The following CUL2 variants were observed in gnomAD, a reference collection of about 807,000 sequenced individuals.
CUL2 encodes the protein cullin-2.
CUL2 carries 22 observed loss-of-function variants against 110.2 expected under a neutral mutation model. The observed-to-expected ratio is 0.20, with a 90% CI of 0.14 to 0.28. The LOEUF is 0.28. Ranked by LOEUF, CUL2 falls within the 10% of genes least tolerant of loss-of-function variation. CUL2 has a pLI of 1.00. For missense variants in CUL2, 631 were observed against 905.5 expected (o/e 0.70, Z 3.89); for synonymous variants, 279 against 293.2 (o/e 0.95, Z 0.49).
At chr10:35,088,325 T>C (rs1192820665) in intron 1 of CUL2, among the ~76,000 whole-genome samples, 2 of 151,888 alleles carry the variant, frequency 1.3e-5, no homozygotes, top group African/African-American at 4.8e-5. Context: ...CTGGCCAACA[T>C]GTTGAAACCC....
In CUL2 at chr10:35,076,545, A is replaced by G. The variant is rs532269925; in HGVS notation, c.-22-5206T>C. Among the ~76,000 whole-genome samples, 81 of 152,198 alleles carry G rather than the reference A, an allele frequency of 5.3e-4. No individual in the cohort carries two copies. The South Asian group carries it at 0.016, about 30-fold the overall frequency. On this transcript the variant is annotated intron_variant, in intron 1 of 20. Coordinates refer to ENST00000374749, the MANE Select transcript of CUL2 (RefSeq NM_003591.4). The stretch of plus-strand genomic sequence containing the variant: ...TGGTCATTTAGCATAAAATTCTGAA[A>G]TCTCAATCTCTCTCCCACCACTCCC...
chr10:35,010,356 T>C lies in CUL2; in HGVS notation c.2193A>G (p.Ile731Met). 1 of 1,610,048 alleles carries C rather than the reference T, an allele frequency of 6.2e-7. No homozygotes were observed. The highest frequency in any genetic ancestry group is 8.5e-7 in the Non-Finnish European group (1 of 1,178,200). The change falls in exon 21 of 21, where the codon ATA becomes ATG. Residue 731 changes from isoleucine (I) to methionine (M), a missense_variant. Physicochemically the swap from Ile to Met is conservative, Grantham distance 10. Around this residue, in one of 3 missense-constraint regions of CUL2, gnomAD observed 159 missense variants for 202.7 expected, o/e 0.78. Transcript: ENST00000374749. Reference sequence around the variant, plus strand: ...CATCTGCCGACGCCTGGCTGCGTTCTATGTATTGTTTGTCTATCAGAACTT... The same window carrying C: ...CATCTGCCGACGCCTGGCTGCGTTCCATGTATTGTTTGTCTATCAGAACTT... ...CIEVLIDKQY[I>M]ERSQASADEY...
At chr10:35,016,764 T>C (rs1315803414) in intron 17 of CUL2, among the ~76,000 whole-genome samples, 1 of 151,668 alleles carries the variant, frequency 6.6e-6, no homozygotes, top group African/African-American at 2.4e-5. Flanking sequence ...CCATCTTTAC[T>C]AAAAGTACAA....
intron 1 of CUL2, among the ~76,000 whole-genome samples, chr10:35,079,934 A>C (rs1293344930): frequency 6.6e-6 from 1 of 152,228 alleles, no homozygotes; most frequent in East Asian, 1.9e-4. Flanking sequence ...GGAGGCATCC[A>C]CAGCGTAGAG....
At chr10:35,094,637 G>C (rs2087269277), upstream of CUL2, among the ~76,000 whole-genome samples, 1 of 152,122 alleles carries the variant, frequency 6.6e-6, no homozygotes, top group South Asian at 2.1e-4. Flanking sequence ...ACTCTGGTTG[G>C]AAATGTGATC....
chr10:35,048,981 C>T (rs769999991), intron 6 of CUL2, among the ~76,000 whole-genome samples: 2 of 152,130 alleles, frequency 1.3e-5, no homozygotes, highest in African/African-American at 2.4e-5. Context: ...GCCATTATTA[C>T]ACTACAATTC....
At chr10:35,012,570 A>G (rs1031282717) in intron 19 of CUL2, among the ~76,000 whole-genome samples, 10 of 152,328 alleles carry the variant, frequency 6.6e-5, no homozygotes, top group Admixed American at 6.5e-4. Flanking sequence ...GAAACACAGA[A>G]GCAAGGCATA....
At chr10:35,058,945 G>C (rs79392837) in intron 4 of CUL2, among the ~76,000 whole-genome samples, 21,537 of 152,162 alleles carry the variant, frequency 0.14, 1,854 homozygotes, top group East Asian at 0.24. Flanking sequence ...AGGGGGTCAA[G>C]ACTTCAGGGG....
chr10:35,057,700 T>C (rs113096840), intron 4 of CUL2, among the ~76,000 whole-genome samples: 22,922 of 151,312 alleles, frequency 0.15, 1,952 homozygotes, highest in East Asian at 0.24. Context: ...ATTTAAAATA[T>C]AAACAGTGCC....
chr10:35,094,972 G>A (rs1259840081), upstream of CUL2, among the ~76,000 whole-genome samples: 5 of 152,180 alleles, frequency 3.3e-5, no homozygotes, highest in Middle Eastern at 3.4e-3. Flanking sequence ...ACAAAACTGT[G>A]TTTTGGCCTT....
chr10:35,063,737 G>A (rs192808075), intron 2 of CUL2: 28 of 151,116 alleles, frequency 1.9e-4, no homozygotes, highest in Non-Finnish European at 4.4e-5. Flanking sequence ...AGCCTCTCTC[G>A]GGTGGCATTT....
intron 8 of CUL2, among the ~76,000 whole-genome samples, chr10:35,040,241 AG>A (rs1270246943): frequency 6.6e-6 from 1 of 152,242 alleles, no homozygotes; most frequent in Admixed American, 6.5e-5. Flanking sequence ...CTTTTATTAA[AG>A]TTTATCCTAC....
At chr10:35,013,210 T>A (rs923459724) in intron 19 of CUL2, among the ~76,000 whole-genome samples, 1 of 151,590 alleles carries the variant, frequency 6.6e-6, no homozygotes, top group Non-Finnish European at 1.5e-5. Context: ...CCAGGCATAG[T>A]GGTGGGCGCC....
intron 8 of CUL2, among the ~76,000 whole-genome samples, chr10:35,040,050 G>A (rs955457069): frequency 6.6e-6 from 1 of 152,190 alleles, no homozygotes; most frequent in Non-Finnish European, 1.5e-5. Flanking sequence ...CTACTCGGGA[G>A]GCTGAGGCAG....
intron 17 of CUL2, among the ~76,000 whole-genome samples, chr10:35,018,704 T>G (rs559990693): frequency 1.6e-3 from 228 of 142,348 alleles, no homozygotes; most frequent in Middle Eastern, 3.9e-3. Context: ...TGGAGGTTGC[T>G]GTGAGCCGAG....
chr10:35,107,419 A>G (rs2087473489), intron 1 of CUL2, among the ~76,000 whole-genome samples: 1 of 152,212 alleles, frequency 6.6e-6, no homozygotes, highest in Admixed American at 6.5e-5. Context: ...CAATAAACAA[A>G]TATACATAAA....
chr10:35,067,297 C>T (rs2086557261), intron 2 of CUL2, among the ~76,000 whole-genome samples: 1 of 152,112 alleles, frequency 6.6e-6, no homozygotes, highest in Admixed American at 6.5e-5. Flanking sequence ...CCTTTAGATG[C>T]CACTTCTCCT....
chr10:35,028,890 A>G lies in CUL2; in HGVS notation c.1540-3T>C, dbSNP rs764147469. On this transcript the variant is annotated splice_region_variant and splice_polypyrimidine_tract_variant and intron_variant, in intron 15 of 20. Transcript: ENST00000374749. ...TGAGTAAGAGGCCACGCACCAGCCT[A>G]GAAGGAAAAAAATAAAATAAAATAA... is the stretch of plus-strand genomic sequence containing the variant. 1 of 1,581,956 alleles carries G rather than the reference A, an allele frequency of 6.3e-7. No homozygotes were observed. The highest frequency in any genetic ancestry group is 1.2e-5 in the South Asian group (1 of 86,538).
intron 2 of CUL2, among the ~76,000 whole-genome samples, chr10:35,065,767 G>A (rs987506937): frequency 2.6e-5 from 4 of 152,042 alleles, no homozygotes; most frequent in African/African-American, 7.2e-5. Flanking sequence ...GCTGAGGCAG[G>A]AGAATTGCTT....
Sources: gnomAD v4.1 joint callset for allele counts (sites outside exome capture counted in the v4.1 genomes callset) on GRCh38, gnomAD v4.1.1 for gene constraint, gnomAD v4.1.1 regional missense constraint, MANE v1.5 for transcripts, NCBI Gene and HGNC (gene_info 2026-07-23, HGNC 2026-07-21) for gene names.